Variants in ANKAR observed in about 807,000 individuals in gnomAD.
ANKAR encodes the protein ankyrin and armadillo repeat containing, also known as ankyrin and armadillo repeat-containing protein.
In ANKAR, 136 loss-of-function variants were observed where a neutral mutation model predicts 146.2. That is an observed-to-expected ratio of 0.93 (90% CI 0.81 to 1.07). The LOEUF (loss-of-function observed/expected upper bound fraction) is 1.07, where lower values mean the gene tolerates loss of function less well. ANKAR is among the 50% of genes least tolerant of loss of function. The pLI, the probability that ANKAR is intolerant of heterozygous loss-of-function variation, is 0.00. For synonymous variants in ANKAR, 500 were observed against 575.8 expected (o/e 0.87, Z 1.88); for missense variants, 1,567 against 1,679.9 (o/e 0.93, Z 1.18).
In ANKAR at chr2:189,707,126, C is replaced by A; in HGVS notation, c.2099C>A (p.Pro700Gln). 6.5e-7 allele frequency: 1 copy of A among 1,540,726 alleles called. No homozygotes were observed. Among genetic ancestry groups the A allele is most frequent in the African/African-American group, 1.4e-5 (1 of 72,138 alleles). Reference protein sequence around the residue: ...YIIKLNIPELPVWKTLVEMLQ... With the variant: ...YIIKLNIPELQVWKTLVEMLQ... ...ATAAAATTAAATATTCCTGAACTCC[C>A]AGTGTGGAAAACTTTGGTAGGTGAG... is the stretch of plus-strand genomic sequence containing the variant. The change falls in exon 9 of 23, where the codon CCA becomes CAA. Residue 700 changes from proline (P) to glutamine (Q), a missense_variant. Coordinates refer to ENST00000684021, the MANE Select transcript of ANKAR (RefSeq NM_001378068.1).
intron 12 of ANKAR, among the ~76,000 whole-genome samples, chr2:189,722,846 C>T (rs965003309): frequency 2.7e-5 from 4 of 150,654 alleles, no homozygotes; most frequent in Non-Finnish European, 3.0e-5. Flanking sequence ...CATGCCACTG[C>T]ACTCCAGCCT....
At chr2:189,758,592 T>A (rs1357329566) in intron 18 of ANKAR, among the ~76,000 whole-genome samples, 1 of 152,184 alleles carries the variant, frequency 6.6e-6, no homozygotes, top group East Asian at 1.9e-4. Context: ...TCTCAGGTAT[T>A]TCGTTATAGC....
At chr2:189,710,576 G>A (rs1217844206) in intron 9 of ANKAR, among the ~76,000 whole-genome samples, 2 of 152,312 alleles carry the variant, frequency 1.3e-5, no homozygotes, top group Non-Finnish European at 2.9e-5. Flanking sequence ...AAGGCAAGTG[G>A]ATTGCTTGAA....
At chr2:189,754,084 T>C (rs765848553) in intron 18 of ANKAR, 3 of 1,611,892 alleles carry the variant, frequency 1.9e-6, no homozygotes, top group South Asian at 2.2e-5. Context: ...TGAGCAGCTA[T>C]TTTTAGGCAC....
At chr2:189,738,970 C>T (rs2043093645) in intron 19 of ANKAR, among the ~76,000 whole-genome samples, 1 of 152,070 alleles carries the variant, frequency 6.6e-6, no homozygotes, top group African/African-American at 2.4e-5. Flanking sequence ...TGAGAATTCA[C>T]CTATGACCTA....
chr2:189,731,079 T>C (rs1574684149), intron 16 of ANKAR, among the ~76,000 whole-genome samples: 1 of 152,126 alleles, frequency 6.6e-6, no homozygotes, highest in African/African-American at 2.4e-5. Flanking sequence ...TGGCTGGAGG[T>C]AATAGTTTTC....
intron 16 of ANKAR, among the ~76,000 whole-genome samples, chr2:189,732,018 G>A (rs901359077): frequency 6.6e-6 from 1 of 152,052 alleles, no homozygotes; most frequent in African/African-American, 2.4e-5. Flanking sequence ...TAACAAATGT[G>A]TGTCTTATCA....
chr2:189,693,230 T>A, intron 5 of ANKAR, 53 bp downstream of exon 5: 1 of 1,158,520 alleles, frequency 8.6e-7, no homozygotes, highest in Non-Finnish European at 1.3e-6. Context: ...TGCACGTTAG[T>A]AGAGAACAAA....
At chr2:189,733,838 C>A (rs564386191) in intron 17 of ANKAR, among the ~76,000 whole-genome samples, 265 of 119,124 alleles carry the variant, frequency 2.2e-3, no homozygotes, top group African/African-American at 8.2e-3. Flanking sequence ...TTATTTTTTT[C>A]AATGTCTACT....
intron 2 of ANKAR, among the ~76,000 whole-genome samples, chr2:189,682,820 A>G (rs1456477639): frequency 6.6e-6 from 1 of 152,186 alleles, no homozygotes; most frequent in Admixed American, 6.5e-5. Context: ...GAGCTTTTTC[A>G]CCACTTGGGC....
intron 2 of ANKAR, among the ~76,000 whole-genome samples, chr2:189,680,634 C>G (rs1250920881): frequency 6.6e-6 from 1 of 151,922 alleles, no homozygotes; most frequent in Non-Finnish European, 1.5e-5. Context: ...TTTGATATCA[C>G]TATTATCGTT....
At chr2:189,758,056 C>T (rs1013217550) in intron 18 of ANKAR, among the ~76,000 whole-genome samples, 3 of 152,000 alleles carry the variant, frequency 2.0e-5, no homozygotes, top group Non-Finnish European at 4.4e-5. Context: ...TACTGTGTCG[C>T]GATAGTCAAT....
chr2:189,687,960 G>A (rs1267748815), intron 2 of ANKAR, among the ~76,000 whole-genome samples: 2 of 152,122 alleles, frequency 1.3e-5, no homozygotes, highest in Non-Finnish European at 2.9e-5. Flanking sequence ...AGCTTTTTAA[G>A]TTGATGTGAT....
Position 189,683,337 on chromosome 2 carries a change from A to G in ANKAR, c.602-6190A>G, listed in dbSNP as rs528695534. ...GTTTGAATGGAGGGTTAACTCGCTC[A>G]TGCTTTCAGATTTGTTCCTACACCA... On this transcript the variant is annotated intron_variant, in intron 2 of 22. Coordinates refer to ENST00000684021, the MANE Select transcript of ANKAR (RefSeq NM_001378068.1). Among the ~76,000 whole-genome samples the G allele has an allele frequency of 5.9e-5, 9 of 152,338 alleles. No homozygotes were observed. The South Asian group carries it at 1.9e-3, about 32-fold the overall frequency.
intron 2 of ANKAR, among the ~76,000 whole-genome samples, chr2:189,685,047 C>T (rs962814595): frequency 1.3e-5 from 2 of 151,652 alleles, no homozygotes; most frequent in South Asian, 2.1e-4. Flanking sequence ...ACTCTGTCAC[C>T]CAGGCTTGAA....
At chr2:189,738,504 T>A in intron 18 of ANKAR, 61 bp from the exon 19 acceptor site, 2 of 978,892 alleles carry the variant, frequency 2.0e-6, no homozygotes, top group South Asian at 1.5e-5. Flanking sequence ...ATGACAAACG[T>A]GTAATTAGAG....
At position 189,736,502 on chromosome 2, in the gene ANKAR, T is replaced by TTTTTTTTG. The variant is rs1422561376; in HGVS notation, c.3424-1180_3424-1179insTTTTTTGT. Reference sequence around the variant, plus strand: ...TTTTGCCTATTTAGGTGACTGGGTTTTGTGTGTGTGTGTGTGTGTGTGTGT... The same window carrying TTTTTTTTG: ...TTTTGCCTATTTAGGTGACTGGGTTTTTTTTTTGTGTGTGTGTGTGTGTGTGTGTGTGT... On this transcript the variant is annotated intron_variant, in intron 17 of 22. Transcript: ENST00000684021. Among the ~76,000 whole-genome samples the TTTTTTTTG allele has an allele frequency of 5.0e-4, 71 of 142,066 alleles. 6 individuals are homozygous for TTTTTTTTG. In the East Asian group the frequency reaches 7.0e-3, roughly 14 times the overall value. 93.2% of individuals were successfully genotyped at this position (142,066 alleles called of 152,430 possible).
chr2:189,737,209 T>C (rs930617906), intron 17 of ANKAR, among the ~76,000 whole-genome samples: 1 of 151,914 alleles, frequency 6.6e-6, no homozygotes, highest in Non-Finnish European at 1.5e-5. Flanking sequence ...AAAAATAAGA[T>C]TTAGTAATAA....
intron 19 of ANKAR, 139 bp downstream of exon 19, chr2:189,738,821 TG>T: frequency 1.8e-6 from 1 of 550,038 alleles, no homozygotes. Flanking sequence ...TATATCTACA[TG>T]GAACTCCACA....
Sources: allele counts gnomAD v4.1 joint callset (sites outside exome capture counted in the v4.1 genomes callset), GRCh38; gene constraint gnomAD v4.1.1; transcripts MANE v1.5; gene names NCBI Gene and HGNC (gene_info 2026-07-23, HGNC 2026-07-21).